SESN1: variants seen among roughly 807,000 people sequenced by gnomAD.
The protein encoded by SESN1 is sestrin 1, also known as sestrin-1.
Under a neutral mutation model 59.3 loss-of-function variants are expected in SESN1, and 30 were observed. That is an observed-to-expected ratio of 0.51 (90% CI 0.38 to 0.69). The LOEUF is 0.69. Ranked by LOEUF, SESN1 falls within the 30% of genes least tolerant of loss-of-function variation. The pLI is 0.00. For synonymous variants in SESN1, 197 were observed against 219.9 expected (o/e 0.90, Z 0.92); for missense variants, 566 against 673.0 (o/e 0.84, Z 1.76).
At chr6:108,993,472 CAA>C (rs1282065808) in intron 6 of SESN1, among the ~76,000 whole-genome samples, 2 of 152,072 alleles carry the variant, frequency 1.3e-5, no homozygotes, top group East Asian at 3.9e-4. Context: ...GGCATGGAAA[CAA>C]AAATTTTTCC....
chr6:109,068,920 T>A (rs778881409), intron 1 of SESN1, among the ~76,000 whole-genome samples: 7 of 151,812 alleles, frequency 4.6e-5, no homozygotes, highest in Non-Finnish European at 8.8e-5. Flanking sequence ...TGGGGTTTCA[T>A]CATGTTGGCC....
At chr6:109,072,512 T>A (rs922780937) in intron 1 of SESN1, among the ~76,000 whole-genome samples, 1 of 152,206 alleles carries the variant, frequency 6.6e-6, no homozygotes, top group Non-Finnish European at 1.5e-5. Flanking sequence ...ATGAAATGCA[T>A]CTCTAGACTA....
chr6:109,021,442 C>T (rs1780008725), intron 1 of SESN1, among the ~76,000 whole-genome samples: 1 of 152,024 alleles, frequency 6.6e-6, no homozygotes, highest in Non-Finnish European at 1.5e-5. Context: ...ATTTATCAGT[C>T]ATATCTTGCC....
chr6:109,076,138 G>C (rs1238112833), intron 1 of SESN1, among the ~76,000 whole-genome samples: 1 of 152,220 alleles, frequency 6.6e-6, no homozygotes, highest in East Asian at 1.9e-4. Context: ...TGCATGTGTG[G>C]TTTCTAAGAT....
At chr6:108,995,582 C>T (rs1779486516) in intron 5 of SESN1, among the ~76,000 whole-genome samples, 1 of 152,164 alleles carries the variant, frequency 6.6e-6, no homozygotes, top group South Asian at 2.1e-4. Context: ...AAAGCTAGAT[C>T]AAATCTATGC....
At chr6:109,023,747 A>T (rs1047070074) in intron 1 of SESN1, among the ~76,000 whole-genome samples, 3 of 152,258 alleles carry the variant, frequency 2.0e-5, no homozygotes, top group Non-Finnish European at 4.4e-5. Context: ...TAACAAAATA[A>T]AATGAGTAAA....
At chr6:109,003,727 A>G (rs1779673456) in intron 1 of SESN1, among the ~76,000 whole-genome samples, 1 of 152,222 alleles carries the variant, frequency 6.6e-6, no homozygotes. Context: ...ACATCCTGTA[A>G]TGAATGCCAG....
intron 9 of SESN1, 100 bp from the exon 10 acceptor site, chr6:108,987,730 C>T (rs1462774992): frequency 1.5e-6 from 1 of 659,028 alleles, no homozygotes; most frequent in East Asian, 2.7e-5. Context: ...ACACTTCCTA[C>T]ACTTCCTATG....
intron 1 of SESN1, among the ~76,000 whole-genome samples, chr6:109,076,456 A>C (rs1235730720): frequency 2.0e-5 from 3 of 152,224 alleles, no homozygotes; most frequent in African/African-American, 7.2e-5. Context: ...TCAGTCTTTA[A>C]ATTACGAGGG....
Position 108,990,802 on chromosome 6 carries a change from C to T in SESN1, c.1267G>A (p.Val423Ile), listed in dbSNP as rs1779358593. The change falls in exon 8 of 10, where the codon GTA becomes ATA. Residue 423 changes from valine to isoleucine, a missense_variant. Transcript: ENST00000436639. ...CCCACATCTGGATAAAGGCGATTTA[C>T]CAAAGAATAACCATGATCTTCCCAG... ...YCWEDHGYSLVNRLYPDVGQL... is the reference protein window; with the variant it reads ...YCWEDHGYSLINRLYPDVGQL... 1 of 1,613,972 alleles carries T rather than the reference C, an allele frequency of 6.2e-7. No homozygotes were observed. The highest frequency in any genetic ancestry group is 8.5e-7 in the Non-Finnish European group (1 of 1,179,978).
At chr6:109,050,917 G>A (rs6900472) in intron 1 of SESN1, among the ~76,000 whole-genome samples, 15,289 of 152,182 alleles carry the variant, frequency 0.1, 942 homozygotes, top group South Asian at 0.2. Flanking sequence ...TAGGTAGGGG[G>A]AATGTGGTCC....
intron 1 of SESN1, among the ~76,000 whole-genome samples, chr6:109,017,689 C>G (rs1404066585): frequency 6.6e-6 from 1 of 152,058 alleles, no homozygotes; most frequent in East Asian, 1.9e-4. Context: ...TACAGATTAG[C>G]AGATAGCTTG....
At chr6:109,068,011 G>A (rs189520226) in intron 1 of SESN1, among the ~76,000 whole-genome samples, 2 of 152,258 alleles carry the variant, frequency 1.3e-5, no homozygotes, top group Admixed American at 6.5e-5. Flanking sequence ...CTCTATTGAA[G>A]GCCACAGTTC....
chr6:108,992,370 G>A lies in SESN1; in HGVS notation c.1233+417C>T, dbSNP rs1779404179. 2.0e-5 allele frequency among the ~76,000 whole-genome samples: 3 copies of A among 152,220 alleles called. 1 individual carries two copies. The South Asian group carries it at 6.2e-4, about 32-fold the overall frequency. On this transcript the variant is annotated intron_variant, in intron 7 of 9. Transcript: ENST00000436639. ...CGGCTCAGGCAATCCACCTGCCTCAGCCTCCCAAGGTGCTGGGATCACAGG... is the reference window on the plus strand; with the variant it reads ...CGGCTCAGGCAATCCACCTGCCTCAACCTCCCAAGGTGCTGGGATCACAGG...
chr6:109,013,385 G>C (rs1328244831), intron 1 of SESN1, among the ~76,000 whole-genome samples: 1 of 152,184 alleles, frequency 6.6e-6, no homozygotes, highest in Non-Finnish European at 1.5e-5. Flanking sequence ...TGTCTCTCCA[G>C]TATGGTAGTT....
chr6:109,067,979 G>A (rs1013831673), intron 1 of SESN1, among the ~76,000 whole-genome samples: 1 of 152,188 alleles, frequency 6.6e-6, no homozygotes, highest in Non-Finnish European at 1.5e-5. Context: ...TATTTATTCT[G>A]AAGGCAGAAG....
chr6:109,039,001 AAAG>A (rs569001473), intron 1 of SESN1, among the ~76,000 whole-genome samples: 41 of 151,344 alleles, frequency 2.7e-4, no homozygotes, highest in African/African-American at 6.1e-4. Context: ...GAGGAGGAGA[AAAG>A]AAGAAAGAGA....
intron 1 of SESN1, among the ~76,000 whole-genome samples, chr6:109,040,224 A>G (rs112210512): frequency 3.3e-3 from 508 of 152,312 alleles, no homozygotes; most frequent in African/African-American, 9.9e-3. Flanking sequence ...TTCTTTCACA[A>G]GAGAAATAAT....
intron 1 of SESN1, among the ~76,000 whole-genome samples, chr6:109,048,155 C>CAGTG (rs1780483527): frequency 6.6e-6 from 1 of 151,620 alleles, no homozygotes; most frequent in Non-Finnish European, 1.5e-5. Context: ...TTCACTGAAA[C>CAGTG]AGTGACAAGA....
Sources: gnomAD v4.1 joint callset for allele counts (sites outside exome capture counted in the v4.1 genomes callset) on GRCh38, gnomAD v4.1.1 for gene constraint, MANE v1.5 for transcripts, NCBI Gene and HGNC (gene_info 2026-07-23, HGNC 2026-07-21) for gene names.